Variants in MED27 observed in about 807,000 individuals in gnomAD.
MED27 encodes mediator of RNA polymerase II transcription subunit 27.
MED27 carries 30 observed loss-of-function variants against 38.2 expected under a neutral mutation model. The ratio of observed to expected loss-of-function variants is 0.79; its 90% CI spans 0.59 to 1.07. The LOEUF is 1.07. Among genes scored for constraint, MED27 ranks in the 50% least tolerant of loss-of-function variants. The pLI is 0.00. For missense variants in MED27, 289 were observed against 397.5 expected, an observed-to-expected ratio of 0.73 and a Z score of 2.32; for synonymous variants, 122 against 153.5, an observed-to-expected ratio of 0.79 and a Z score of 1.52.
chr9:132,045,045 C>T (rs1833300978), intron 2 of MED27, among the ~76,000 whole-genome samples: 1 of 151,798 alleles, frequency 6.6e-6, no homozygotes. Context: ...AAAAGACCAA[C>T]AGATTTGGCT....
At chr9:131,866,409 T>C (rs1300359548) in intron 6 of MED27, among the ~76,000 whole-genome samples, 1 of 152,268 alleles carries the variant, frequency 6.6e-6, no homozygotes, top group African/African-American at 2.4e-5. Flanking sequence ...TAAATGGCCT[T>C]TGACCCAGAG....
chr9:131,940,173 G>A (rs1009853655), intron 3 of MED27, among the ~76,000 whole-genome samples: 2 of 151,846 alleles, frequency 1.3e-5, no homozygotes, highest in Non-Finnish European at 2.9e-5. Flanking sequence ...CCAAAGTGCT[G>A]GGATTATAAG....
At chr9:132,075,451 G>A (rs139483396) in intron 2 of MED27, among the ~76,000 whole-genome samples, 27 of 152,272 alleles carry the variant, frequency 1.8e-4, no homozygotes, top group African/African-American at 5.8e-4. Flanking sequence ...TTTATAATCT[G>A]GGATAAATGC....
chr9:131,973,457 CTT>C (rs747946439), intron 3 of MED27, among the ~76,000 whole-genome samples: 18 of 122,148 alleles, frequency 1.5e-4, no homozygotes, highest in Non-Finnish European at 1.8e-4. Context: ...TTTTTCTTTT[CTT>C]TTTTTTTTTT....
intron 3 of MED27, among the ~76,000 whole-genome samples, chr9:131,975,926 A>G (rs1831595641): frequency 6.6e-6 from 1 of 152,238 alleles, no homozygotes; most frequent in Non-Finnish European, 1.5e-5. Context: ...CAGAAATCTA[A>G]GCAGCATCTC....
At chr9:131,985,947 A>G (rs957800571) in intron 3 of MED27, among the ~76,000 whole-genome samples, 5 of 152,110 alleles carry the variant, frequency 3.3e-5, no homozygotes. Flanking sequence ...GTTTTAGCAA[A>G]AAAGTTTAAA....
At chr9:132,016,431 G>A (rs547633771) in intron 2 of MED27, among the ~76,000 whole-genome samples, 4 of 152,246 alleles carry the variant, frequency 2.6e-5, no homozygotes, top group Admixed American at 2.6e-4. Context: ...TAGAAAGGGG[G>A]GAGCATAATT....
chr9:132,036,934 T>C (rs1002216070), intron 2 of MED27, among the ~76,000 whole-genome samples: 2 of 151,936 alleles, frequency 1.3e-5, no homozygotes, highest in African/African-American at 4.8e-5. Flanking sequence ...AGGAACAACA[T>C]GTAAAAGCAG....
intron 2 of MED27, among the ~76,000 whole-genome samples, chr9:132,032,813 G>A (rs1832991433): frequency 6.6e-6 from 1 of 152,056 alleles, no homozygotes; most frequent in Admixed American, 6.6e-5. Context: ...TCACAGCCCT[G>A]CGCCCAAGCC....
intron 3 of MED27, among the ~76,000 whole-genome samples, chr9:131,961,515 G>A (rs1831213761): frequency 6.6e-6 from 1 of 152,206 alleles, no homozygotes; most frequent in Admixed American, 6.5e-5. Flanking sequence ...GCAGGACTTG[G>A]AAACTTTTCA....
intron 3 of MED27, among the ~76,000 whole-genome samples, chr9:131,951,502 C>T (rs778832820): frequency 1.2e-4 from 18 of 152,212 alleles, no homozygotes; most frequent in Non-Finnish European, 5.9e-5. Flanking sequence ...ACAACAGAGT[C>T]TGAAGCTGGG....
chr9:132,058,674 G>GT (rs1833633812), intron 2 of MED27, among the ~76,000 whole-genome samples: 1 of 152,110 alleles, frequency 6.6e-6, no homozygotes, highest in Admixed American at 6.5e-5. Flanking sequence ...TCATAACAGC[G>GT]TGAGAACAGA....
chr9:131,887,478 G>A (rs949377762), intron 5 of MED27, among the ~76,000 whole-genome samples: 1 of 152,082 alleles, frequency 6.6e-6, no homozygotes, highest in Non-Finnish European at 1.5e-5. Context: ...CAGGTGGTTC[G>A]TACTTGATTT....
intron 3 of MED27, among the ~76,000 whole-genome samples, chr9:131,961,231 T>G (rs575036002): frequency 1.3e-5 from 2 of 152,308 alleles, no homozygotes; most frequent in Admixed American, 1.3e-4. Context: ...CCCGTAAAAA[T>G]GGCCCGCACG....
chr9:131,946,516 C>A (rs575369219), intron 3 of MED27, among the ~76,000 whole-genome samples: 1 of 152,292 alleles, frequency 6.6e-6, no homozygotes, highest in African/African-American at 2.4e-5. Context: ...ATTGGGGTAA[C>A]CACTTTTGCC....
intron 3 of MED27, among the ~76,000 whole-genome samples, chr9:131,948,353 G>A (rs975118314): frequency 6.6e-6 from 1 of 151,888 alleles, no homozygotes; most frequent in Non-Finnish European, 1.5e-5. Context: ...AGGGCATGGT[G>A]GCATGCGCCT....
chr9:131,890,494 G>C (rs1346293384), intron 5 of MED27, among the ~76,000 whole-genome samples: 1 of 152,196 alleles, frequency 6.6e-6, no homozygotes, highest in South Asian at 2.1e-4. Flanking sequence ...TTACTCGTGT[G>C]TCTCCTTTAT....
intron 4 of MED27, among the ~76,000 whole-genome samples, chr9:131,924,580 G>A (rs978113984): frequency 1.3e-5 from 2 of 151,950 alleles, no homozygotes; most frequent in Non-Finnish European, 2.9e-5. Flanking sequence ...TCCTTTTTAT[G>A]ACTGAGGCCC....
At chr9:132,021,193 A>G (rs1331593222) in intron 2 of MED27, among the ~76,000 whole-genome samples, 1 of 152,202 alleles carries the variant, frequency 6.6e-6, no homozygotes. Context: ...AAATATCTGT[A>G]ATGGTTAGGG....
Sources: allele counts gnomAD v4.1 joint callset (sites outside exome capture counted in the v4.1 genomes callset), GRCh38; gene constraint gnomAD v4.1.1; transcripts MANE v1.5; gene names NCBI Gene and HGNC (gene_info 2026-07-23, HGNC 2026-07-21).